Variants in NAAA observed in about 807,000 individuals in gnomAD.
NAAA encodes N-acylethanolamine-hydrolyzing acid amidase.
A neutral mutation model predicts 44.8 loss-of-function variants in NAAA; 39 were observed. The observed-to-expected ratio is 0.87, with a 90% CI of 0.67 to 1.14. The LOEUF (loss-of-function observed/expected upper bound fraction) is 1.14, where lower values mean the gene tolerates loss of function less well. Among genes scored for constraint, NAAA ranks in the 50% most tolerant of loss-of-function variants. The probability of loss-of-function intolerance (pLI) is 0.00; values close to 1 mark genes in which losing one functional copy is unlikely to be tolerated. For missense variants in NAAA, 460 were observed against 467.8 expected (o/e 0.98, Z 0.15); for synonymous variants, 178 against 191.3 (o/e 0.93, Z 0.58).
At chr4:75,936,013 C>CT in intron 3 of NAAA, 96 bp downstream of exon 3, 1 of 1,468,236 alleles carries the variant, frequency 6.8e-7, no homozygotes, top group Admixed American at 1.8e-5. Context: ...GTGTCTTACA[C>CT]TGATAACACA....
At chr4:75,935,807 T>C in intron 3 of NAAA, 1 of 434,530 alleles carries the variant, frequency 2.3e-6, no homozygotes, top group Non-Finnish European at 4.0e-6. Flanking sequence ...AGCCTGGGCA[T>C]GGGAAAGCAG....
chr4:75,931,393 T>C (rs1187415639), intron 3 of NAAA, 89 bp from the exon 4 acceptor site: 2 of 979,500 alleles, frequency 2.0e-6, no homozygotes, highest in Non-Finnish European at 1.5e-6. Context: ...TCTGGATTTT[T>C]TTTCTTATAA....
At chr4:75,911,609 T>C (rs1431677032), downstream of NAAA, among the ~76,000 whole-genome samples, 8 of 152,294 alleles carry the variant, frequency 5.3e-5, no homozygotes, top group East Asian at 7.7e-4. Flanking sequence ...ACAGGACTAG[T>C]TGACTCATGG....
chr4:75,939,274 G>A (rs1264037678), intron 2 of NAAA, among the ~76,000 whole-genome samples: 2 of 152,164 alleles, frequency 1.3e-5, no homozygotes, highest in Admixed American at 6.5e-5. Context: ...ACACATGAAA[G>A]GATAAATGCA....
chr4:75,915,178 T>C lies in NAAA; in HGVS notation c.999-193A>G, dbSNP rs115237835. The stretch of plus-strand genomic sequence containing the variant: ...TTTGACAACACTGTGGAAGGCCAAG[T>C]TGGAACTTAAAATTCTCAGACTTAA... On this transcript the variant is annotated intron_variant, in intron 9 of 10. Transcript: ENST00000286733. Among the ~76,000 whole-genome samples the C allele has an allele frequency of 3.9e-3, 595 of 152,100 alleles. 7 individuals carry two copies. Among genetic ancestry groups the C allele is most frequent in the African/African-American group, 0.014 (561 of 41,486 alleles).
chr4:75,918,941 A>C lies in NAAA; in HGVS notation c.970-152T>G, dbSNP rs1469557456. The C allele has an allele frequency of 5.9e-6, 4 of 680,714 alleles. No homozygotes were observed. The East Asian group carries it at 1.1e-4, about 19-fold the overall frequency. The allele number at this position is 680,714 out of a possible 1,614,324, so 42.2% of individuals were successfully genotyped here. ...GAGGATTACTCAAGCCCAGGAGTTC[A>C]AGACCAGCCTGGGCAACATAGAGAG... On this transcript the variant is annotated intron_variant, in intron 8 of 10. Transcript: ENST00000286733.
downstream of NAAA, among the ~76,000 whole-genome samples, chr4:75,912,568 A>G (rs934540055): frequency 3.3e-5 from 5 of 151,976 alleles, no homozygotes; most frequent in Non-Finnish European, 7.4e-5. Context: ...AAAAAAAAAA[A>G]AAAGAAATTT....
At chr4:75,918,822 T>G in intron 8 of NAAA, 33 bp from the exon 9 acceptor site, 1 of 1,587,518 alleles carries the variant, frequency 6.3e-7, no homozygotes, top group South Asian at 1.1e-5. Flanking sequence ...ATAGAGAAGA[T>G]TACATGGTAG....
In NAAA at chr4:75,918,450, G is replaced by C. The variant is rs1578038905; in HGVS notation, c.998+311C>G. Among the ~76,000 whole-genome samples the C allele has an allele frequency of 2.0e-5, 3 of 151,800 alleles. No homozygotes were observed. The East Asian group carries it at 5.8e-4, about 29-fold the overall frequency. On this transcript the variant is annotated intron_variant, in intron 9 of 10. Transcript: ENST00000286733. ...AGCCTGGGTGACAGAGCGAGACTCT[G>C]GCTCAAGAAAAAAAAAAATTCCCAG...
intron 2 of NAAA, among the ~76,000 whole-genome samples, chr4:75,937,179 G>A (rs1367115344): frequency 6.6e-6 from 1 of 152,192 alleles, no homozygotes; most frequent in African/African-American, 2.4e-5. Context: ...CCAGCACTTT[G>A]GGAGGCCAAG....
chr4:75,919,486 A>C (rs114486183), intron 8 of NAAA: 106 of 171,102 alleles, frequency 6.2e-4, no homozygotes, highest in African/African-American at 1.1e-3. Context: ...ATGTCATATA[A>C]TTTTTTTTTT....
chr4:75,916,311 A>G (rs1020878830), intron 9 of NAAA: 32 of 152,162 alleles, frequency 2.1e-4, no homozygotes, highest in African/African-American at 7.2e-4. Flanking sequence ...GAGGTTAATC[A>G]TTACATGTAA....
chr4:75,928,588 G>A (rs541080394), intron 4 of NAAA, among the ~76,000 whole-genome samples: 1 of 151,834 alleles, frequency 6.6e-6, no homozygotes, highest in Admixed American at 6.5e-5. Flanking sequence ...TTAGGCAAGT[G>A]TAAGATGCCT....
chr4:75,913,256 G>C (rs1725403295), downstream of NAAA, among the ~76,000 whole-genome samples: 1 of 151,790 alleles, frequency 6.6e-6, no homozygotes, highest in African/African-American at 2.4e-5. Flanking sequence ...GTAACCATTT[G>C]CCTCACTGTC....
At chr4:75,940,688 G>A in intron 1 of NAAA, 56 bp downstream of exon 1, 1 of 1,540,456 alleles carries the variant, frequency 6.5e-7, no homozygotes, top group Non-Finnish European at 8.7e-7. Context: ...GCGCGCGTTT[G>A]ACTCCGACCC....
Position 75,915,001 on chromosome 4 carries a change from A to G in NAAA, c.999-16T>C. 6.5e-7 allele frequency: 1 copy of G among 1,547,046 alleles called. No homozygotes were observed. The highest frequency in any genetic ancestry group is 1.4e-5 in the African/African-American group (1 of 73,568). On this transcript the variant is annotated splice_polypyrimidine_tract_variant and intron_variant, in intron 9 of 10. Coordinates refer to ENST00000286733, the MANE Select transcript of NAAA (RefSeq NM_014435.4). ...AATTGTGAAGCTGAAAATTATGAGGAAATTTTATGTACACATCATTTTCTC... is the reference window on the plus strand; with the variant it reads ...AATTGTGAAGCTGAAAATTATGAGGGAATTTTATGTACACATCATTTTCTC...
intron 3 of NAAA, among the ~76,000 whole-genome samples, chr4:75,934,070 A>G (rs62318886): frequency 2.3e-4 from 10 of 43,220 alleles, no homozygotes; most frequent in African/African-American, 9.2e-4. Context: ...AATAATAATA[A>G]TAATAATAAT....
intron 4 of NAAA, among the ~76,000 whole-genome samples, chr4:75,926,560 CAA>C (rs56212846): frequency 8.5e-5 from 6 of 70,256 alleles, no homozygotes; most frequent in Admixed American, 1.7e-4. Context: ...GACTCTGTCT[CAA>C]AAAAAAAAAA....
chr4:75,914,911 C>T lies in NAAA; in HGVS notation c.1073G>A (p.Arg358Lys), dbSNP rs1725507280. The T allele has an allele frequency of 4.3e-6, 7 of 1,614,030 alleles. No individual in the cohort carries two copies. Among genetic ancestry groups the T allele is most frequent in the Middle Eastern group, 1.6e-4 (1 of 6,080 alleles). Reference sequence around the variant, plus strand: ...ACTCGCTCTTCTGCTGACTTACTTTCTACTCGGGTTTCTGATCCTAGTCAT... The same window carrying T: ...ACTCGCTCTTCTGCTGACTTACTTTTTACTCGGGTTTCTGATCCTAGTCAT... ...KYMTRIRNPS[R>K]K Residue 358 changes from arginine to lysine, a missense_variant, in exon 10 of 11, where the codon AGA becomes AAA. Physicochemically the swap from Arg to Lys is conservative, Grantham distance 26. Transcript: ENST00000286733.
Sources: allele counts gnomAD v4.1 joint callset (sites outside exome capture counted in the v4.1 genomes callset), GRCh38; gene constraint gnomAD v4.1.1; transcripts MANE v1.5; gene names NCBI Gene and HGNC (gene_info 2026-07-23, HGNC 2026-07-21).